The following GALNT13 variants were observed in gnomAD, a reference collection of about 807,000 sequenced individuals.
GALNT13 encodes the protein polypeptide N-acetylgalactosaminyltransferase 13.
GALNT13 carries 28 observed loss-of-function variants against 64.2 expected under a neutral mutation model. The ratio of observed to expected loss-of-function variants is 0.44; its 90% confidence interval spans 0.32 to 0.60. The LOEUF is 0.60. Among genes scored for constraint, GALNT13 ranks in the 20% least tolerant of loss-of-function variants. The pLI is 0.05. For missense variants in GALNT13, 577 were observed against 669.8 expected (o/e 0.86, Z 1.53); for synonymous variants, 214 against 224.6 (o/e 0.95, Z 0.42).
chr2:153,703,865 A>T, the GALNT13 span, among the ~76,000 whole-genome samples: 1 of 152,176 alleles, frequency 6.6e-6, no homozygotes, highest in African/African-American at 2.4e-5. Flanking sequence ...ACAGCAGTCA[A>T]GTCACCTTAA....
chr2:153,729,050 A>G, the GALNT13 span, among the ~76,000 whole-genome samples: 57 of 152,158 alleles, frequency 3.7e-4, no homozygotes, highest in Non-Finnish European at 6.0e-4. Context: ...GCTGAATTCT[A>G]TCAGAGGTAC....
At chr2:153,865,574 T>A in the GALNT13 span, among the ~76,000 whole-genome samples, 1 of 83,658 alleles carries the variant, frequency 1.2e-5, no homozygotes, top group Non-Finnish European at 2.4e-5. Context: ...TCATCATCAC[T>A]GGCCATCAGA....
the GALNT13 span, among the ~76,000 whole-genome samples, chr2:153,820,344 G>A: frequency 2.6e-5 from 4 of 152,234 alleles, no homozygotes; most frequent in Non-Finnish European, 5.9e-5. Flanking sequence ...TCCCTAATAT[G>A]GTTAGAGAGA....
the GALNT13 span, among the ~76,000 whole-genome samples, chr2:153,864,086 T>G: frequency 3.9e-5 from 6 of 152,190 alleles, no homozygotes; most frequent in Non-Finnish European, 7.3e-5. Flanking sequence ...TGGACAGTAG[T>G]ATAATAAGTC....
the GALNT13 span, among the ~76,000 whole-genome samples, chr2:153,385,599 A>G: frequency 7.6e-4 from 115 of 152,160 alleles, no homozygotes; most frequent in South Asian, 1.7e-3. Context: ...ATAAGCTAGA[A>G]ATAATTAACA....
At chr2:154,049,329 A>G (rs1699452456) in intron 3 of GALNT13, among the ~76,000 whole-genome samples, 2 of 149,448 alleles carry the variant, frequency 1.3e-5, no homozygotes, top group Non-Finnish European at 3.0e-5. Flanking sequence ...ACTGTTTTAT[A>G]ATTATATGTG....
At chr2:153,087,084 T>G in the GALNT13 span, among the ~76,000 whole-genome samples, 1 of 152,186 alleles carries the variant, frequency 6.6e-6, no homozygotes, top group East Asian at 1.9e-4. Context: ...TTCTTTCAAC[T>G]TCTCCCTATT....
the GALNT13 span, among the ~76,000 whole-genome samples, chr2:153,345,712 T>TTCCTTCCTTC: frequency 2.8e-4 from 36 of 127,128 alleles, no homozygotes; most frequent in Admixed American, 1.6e-3. Flanking sequence ...TCTCTTTCTC[T>TTCCTTCCTTC]CTTTCTGTCC....
At chr2:154,214,549 G>A (rs1444829774) in intron 4 of GALNT13, among the ~76,000 whole-genome samples, 2 of 152,088 alleles carry the variant, frequency 1.3e-5, no homozygotes, top group South Asian at 2.1e-4. Context: ...GGATCAGGTG[G>A]AGATAATTGA....
the GALNT13 span, among the ~76,000 whole-genome samples, chr2:153,084,915 A>G: frequency 6.6e-6 from 1 of 152,186 alleles, no homozygotes; most frequent in Middle Eastern, 3.2e-3. Flanking sequence ...AGTTGGAACA[A>G]TGTGGAGGGC....
At chr2:154,433,929 T>C (rs748927099) in intron 11 of GALNT13, among the ~76,000 whole-genome samples, 13 of 152,188 alleles carry the variant, frequency 8.5e-5, no homozygotes, top group Non-Finnish European at 1.2e-4. Flanking sequence ...ATATTAGAGA[T>C]GAGTCTTTAA....
At chr2:154,046,527 T>C (rs1699296735) in intron 3 of GALNT13, among the ~76,000 whole-genome samples, 1 of 152,198 alleles carries the variant, frequency 6.6e-6, no homozygotes, top group Non-Finnish European at 1.5e-5. Context: ...GAAAAAGTTC[T>C]GGGCACTTTA....
the GALNT13 span, among the ~76,000 whole-genome samples, chr2:153,750,941 C>T: frequency 1.5e-3 from 235 of 151,814 alleles, no homozygotes; most frequent in Middle Eastern, 3.4e-3. Flanking sequence ...GTTATAGGCA[C>T]TTAAAGCTAC....
At chr2:153,221,301 T>C in the GALNT13 span, among the ~76,000 whole-genome samples, 1 of 152,036 alleles carries the variant, frequency 6.6e-6, no homozygotes, top group South Asian at 2.1e-4. Context: ...CATGCATACG[T>C]ACACACCCAA....
At chr2:153,526,954 C>A in the GALNT13 span, among the ~76,000 whole-genome samples, 1 of 151,760 alleles carries the variant, frequency 6.6e-6, no homozygotes, top group Non-Finnish European at 1.5e-5. Context: ...GAAGAAGAAA[C>A]CCTTAAAGAT....
chr2:154,303,940 T>C (rs1693591552), intron 9 of GALNT13, among the ~76,000 whole-genome samples: 2 of 152,200 alleles, frequency 1.3e-5, no homozygotes, highest in South Asian at 4.1e-4. Context: ...GTATTTTTAC[T>C]AGAAACGGAG....
At chr2:153,181,760 A>G in the GALNT13 span, among the ~76,000 whole-genome samples, 2 of 145,872 alleles carry the variant, frequency 1.4e-5, no homozygotes, top group Admixed American at 1.4e-4. Context: ...ATTTATATGT[A>G]TATAATACAA....
chr2:154,207,960 A>G (rs959613005), intron 4 of GALNT13, among the ~76,000 whole-genome samples: 1 of 152,230 alleles, frequency 6.6e-6, no homozygotes, highest in Non-Finnish European at 1.5e-5. Flanking sequence ...CTTCAGCATT[A>G]TCCTGATTTA....
At chr2:154,256,421 A>G (rs555715339) in intron 7 of GALNT13, among the ~76,000 whole-genome samples, 1 of 152,324 alleles carries the variant, frequency 6.6e-6, no homozygotes, top group Admixed American at 6.5e-5. Flanking sequence ...TGGATTAACT[A>G]AGGAACCATA....
Sources: gnomAD v4.1 joint callset for allele counts (sites outside exome capture counted in the v4.1 genomes callset) on GRCh38, gnomAD v4.1.1 for gene constraint, MANE v1.5 for transcripts, NCBI Gene and HGNC (gene_info 2026-07-23, HGNC 2026-07-21) for gene names.